Variants in DCLK1 observed in about 807,000 individuals in gnomAD.
DCLK1 encodes the protein doublecortin like kinase 1, also known as serine/threonine-protein kinase DCLK1.
Under a neutral mutation model 86.2 loss-of-function variants are expected in DCLK1, and 16 were observed. The ratio of observed to expected loss-of-function variants is 0.19; its 90% CI spans 0.13 to 0.28. The LOEUF is 0.28. Ranked by LOEUF, DCLK1 falls within the 10% of genes least tolerant of loss-of-function variation. The probability of loss-of-function intolerance (pLI) is 1.00; values close to 1 mark genes in which losing one functional copy is unlikely to be tolerated. For missense variants in DCLK1, 590 were observed against 940.2 expected (o/e 0.63, Z 4.87); for synonymous variants, 369 against 370.5 (o/e 1.00, Z 0.05).
intron 3 of DCLK1, among the ~76,000 whole-genome samples, chr13:36,057,090 T>C (rs756229528): frequency 1.3e-4 from 20 of 151,920 alleles, no homozygotes; most frequent in Admixed American, 5.3e-4. Flanking sequence ...ATATGAAATA[T>C]AGTCAATATT....
At chr13:36,083,543 TA>T (rs1226743873) in intron 3 of DCLK1, among the ~76,000 whole-genome samples, 2 of 152,220 alleles carry the variant, frequency 1.3e-5, no homozygotes, top group African/African-American at 4.8e-5. Flanking sequence ...ATAGGTACTG[TA>T]AATCTTACAA....
chr13:35,938,472 T>A (rs896068002), intron 4 of DCLK1, among the ~76,000 whole-genome samples: 2 of 151,694 alleles, frequency 1.3e-5, no homozygotes, highest in Admixed American at 6.6e-5. Context: ...TACTAAAAAT[T>A]CAAAAAATTA....
intron 2 of DCLK1, among the ~76,000 whole-genome samples, chr13:36,112,845 C>T (rs116174892): frequency 1.0e-3 from 155 of 152,226 alleles, no homozygotes; most frequent in African/African-American, 3.6e-3. Context: ...GTTCAACATA[C>T]AAACTACAGC....
rs144431309 is a variant in DCLK1, at chr13:36,126,201, T to TTA, written c.-19-47_-19-46dup. On this transcript the variant is annotated intron_variant, in intron 1 of 16. Transcript: ENST00000360631. ...AAGCAGACACACATATTGATGTAGG[T>TTA]TATATATATATATATATTTTTTTGT... 7.5e-4 allele frequency: 968 copies of TTA among 1,296,980 alleles called. 3 individuals carry two copies. In the African/African-American group the frequency reaches 8.6e-3, roughly 12 times the overall value. The allele number at this position is 1,296,980 out of a possible 1,614,324, so 80.3% of individuals were successfully genotyped here.
At chr13:36,104,304 C>T (rs1885320330) in intron 3 of DCLK1, among the ~76,000 whole-genome samples, 1 of 152,180 alleles carries the variant, frequency 6.6e-6, no homozygotes, top group African/African-American at 2.4e-5. Context: ...CTTAGTCATT[C>T]AGTCATTTAC....
At chr13:35,927,992 T>G (rs1339078763) in intron 4 of DCLK1, among the ~76,000 whole-genome samples, 1 of 152,188 alleles carries the variant, frequency 6.6e-6, no homozygotes, top group Non-Finnish European at 1.5e-5. Flanking sequence ...CTTATGGGCC[T>G]CTCCCAGACC....
chr13:35,879,756 C>T (rs533625068), intron 4 of DCLK1, among the ~76,000 whole-genome samples: 2 of 152,316 alleles, frequency 1.3e-5, no homozygotes, highest in South Asian at 4.1e-4. Context: ...GTTCCTTGTT[C>T]TACCAGAACT....
intron 3 of DCLK1, among the ~76,000 whole-genome samples, chr13:36,072,957 A>G (rs1373756136): frequency 6.6e-6 from 1 of 152,218 alleles, no homozygotes; most frequent in Non-Finnish European, 1.5e-5. Context: ...GCGCATTACT[A>G]CATGGATTCT....
intron 11 of DCLK1, among the ~76,000 whole-genome samples, chr13:35,819,213 A>C (rs1257771049): frequency 6.6e-6 from 1 of 152,212 alleles, no homozygotes; most frequent in Non-Finnish European, 1.5e-5. Flanking sequence ...CAATAAATTT[A>C]TAAGGGGTAT....
At chr13:36,043,713 T>A (rs1183700416) in intron 3 of DCLK1, among the ~76,000 whole-genome samples, 1 of 152,204 alleles carries the variant, frequency 6.6e-6, no homozygotes, top group Admixed American at 6.6e-5. Flanking sequence ...GATTTTATAA[T>A]TGCAACACTG....
chr13:35,939,419 T>C (rs891869300), intron 4 of DCLK1, among the ~76,000 whole-genome samples: 1 of 152,228 alleles, frequency 6.6e-6, no homozygotes, highest in Non-Finnish European at 1.5e-5. Flanking sequence ...TTTTGTTTAT[T>C]TGTTTTTTGA....
At chr13:35,782,325 C>T (rs1464282270) in intron 16 of DCLK1, among the ~76,000 whole-genome samples, 1 of 152,118 alleles carries the variant, frequency 6.6e-6, no homozygotes, top group Non-Finnish European at 1.5e-5. Context: ...TTGTGTGCTT[C>T]CTCTGCCCGA....
In DCLK1 at chr13:36,012,138, G is replaced by C. The variant is rs1412437378; in HGVS notation, c.724-64681C>G. ...ATGTGTGTCTCTGCACGTGAGATGG[G>C]TTTCCTGAATACAGCACACTGATGG... is the stretch of plus-strand genomic sequence containing the variant. On this transcript the variant is annotated intron_variant, in intron 3 of 16. Transcript: ENST00000360631. Among the ~76,000 whole-genome samples the C allele has an allele frequency of 1.2e-4, 16 of 138,680 alleles. No homozygotes were observed. In the Admixed American group the frequency reaches 1.2e-3, roughly 10 times the overall value. The allele number at this position is 138,680 out of a possible 152,430, so 91.0% of individuals were successfully genotyped here.
chr13:36,046,405 CA>C (rs1339232573), intron 3 of DCLK1, among the ~76,000 whole-genome samples: 1 of 152,214 alleles, frequency 6.6e-6, no homozygotes, highest in Non-Finnish European at 1.5e-5. Context: ...TCACATATAA[CA>C]CATTCCTTAA....
chr13:36,103,404 TAAAAAA>T (rs71084406), intron 3 of DCLK1, among the ~76,000 whole-genome samples: 1 of 109,096 alleles, frequency 9.2e-6, no homozygotes, highest in Non-Finnish European at 1.9e-5. Flanking sequence ...ACACCTGTCT[TAAAAAA>T]AAAAAAAAAA....
At chr13:36,093,097 T>C (rs1884896457) in intron 3 of DCLK1, among the ~76,000 whole-genome samples, 1 of 152,212 alleles carries the variant, frequency 6.6e-6, no homozygotes, top group Non-Finnish European at 1.5e-5. Flanking sequence ...TTGAAATCCT[T>C]ACTTCTATGC....
intron 3 of DCLK1, among the ~76,000 whole-genome samples, chr13:35,950,310 AG>A (rs1432929661): frequency 2.0e-5 from 3 of 152,248 alleles, no homozygotes; most frequent in African/African-American, 7.2e-5. Context: ...TCATTGATAC[AG>A]AGGTAGCTGT....
chr13:36,000,877 T>C (rs1880682024), intron 3 of DCLK1, among the ~76,000 whole-genome samples: 1 of 152,208 alleles, frequency 6.6e-6, no homozygotes, highest in African/African-American at 2.4e-5. Context: ...TGTGAATTGT[T>C]TTCACAAACT....
intron 3 of DCLK1, among the ~76,000 whole-genome samples, chr13:36,050,760 AT>A (rs1883094875): frequency 6.6e-6 from 1 of 152,052 alleles, no homozygotes; most frequent in African/African-American, 2.4e-5. Flanking sequence ...GTCCCTTGTG[AT>A]TAACCTGATT....
Sources: allele counts gnomAD v4.1 joint callset (sites outside exome capture counted in the v4.1 genomes callset), GRCh38; gene constraint gnomAD v4.1.1; transcripts MANE v1.5; gene names NCBI Gene and HGNC (gene_info 2026-07-23, HGNC 2026-07-21).